Variants in KLHL1 observed in about 807,000 individuals in gnomAD.
KLHL1 encodes kelch-like protein 1.
Under a neutral mutation model 77.7 loss-of-function variants are expected in KLHL1, and 47 were observed. That is an observed-to-expected ratio of 0.60 (90% CI 0.48 to 0.77). KLHL1 has a LOEUF of 0.77. KLHL1 is among the 30% of genes least tolerant of loss of function. The pLI is 0.00. For missense variants in KLHL1, 925 were observed against 910.8 expected, an observed-to-expected ratio of 1.02 and a Z score of -0.20; for synonymous variants, 360 against 325.2, an observed-to-expected ratio of 1.11 and a Z score of -1.15.
At chr13:70,017,080 G>A (rs979799678) in intron 1 of KLHL1, among the ~76,000 whole-genome samples, 1 of 152,184 alleles carries the variant, frequency 6.6e-6, no homozygotes, top group Non-Finnish European at 1.5e-5. Flanking sequence ...GCTCAATGAA[G>A]CTCTTCTCCA....
At chr13:70,048,581 A>G (rs1886554292) in intron 1 of KLHL1, among the ~76,000 whole-genome samples, 1 of 152,192 alleles carries the variant, frequency 6.6e-6, no homozygotes, top group Non-Finnish European at 1.5e-5. Context: ...ATGGCAGGCT[A>G]GGGTAGAGAA....
At chr13:69,939,376 T>C (rs112039148) in intron 4 of KLHL1, among the ~76,000 whole-genome samples, 7,705 of 48,436 alleles carry the variant, frequency 0.16, 673 homozygotes, top group Middle Eastern at 0.25. Flanking sequence ...TATATATATA[T>C]ATACACACAC....
chr13:69,857,038 C>A (rs1358223240), intron 5 of KLHL1, among the ~76,000 whole-genome samples: 1 of 152,004 alleles, frequency 6.6e-6, no homozygotes. Flanking sequence ...CTCCAATGAA[C>A]AATAGTAAAT....
At chr13:70,047,913 C>G (rs1886541863) in intron 1 of KLHL1, among the ~76,000 whole-genome samples, 1 of 152,146 alleles carries the variant, frequency 6.6e-6, no homozygotes, top group South Asian at 2.1e-4. Context: ...GTTTTAAAAT[C>G]TTGGATATGA....
chr13:69,765,962 C>T (rs1875282130), intron 7 of KLHL1, among the ~76,000 whole-genome samples: 1 of 152,170 alleles, frequency 6.6e-6, no homozygotes, highest in Non-Finnish European at 1.5e-5. Flanking sequence ...CCTCAGTTGA[C>T]TAACAGATTC....
intron 6 of KLHL1, among the ~76,000 whole-genome samples, chr13:69,807,194 A>C: frequency 6.6e-6 from 1 of 152,236 alleles, no homozygotes; most frequent in South Asian, 2.1e-4. Context: ...TGTGAGATCC[A>C]GTTGTAATTG....
At chr13:69,871,103 C>T (rs1880566527) in intron 5 of KLHL1, among the ~76,000 whole-genome samples, 1 of 152,140 alleles carries the variant, frequency 6.6e-6, no homozygotes, top group South Asian at 2.1e-4. Context: ...GTGGAAGCTG[C>T]CAAGCTTCCA....
At chr13:70,023,901 AAGTT>A (rs1885866175) in intron 1 of KLHL1, among the ~76,000 whole-genome samples, 1 of 151,946 alleles carries the variant, frequency 6.6e-6, no homozygotes, top group Non-Finnish European at 1.5e-5. Flanking sequence ...TAGTTATAGT[AAGTT>A]TAGTAACTTA....
At chr13:69,896,826 C>T (rs1460167893) in intron 4 of KLHL1, among the ~76,000 whole-genome samples, 1 of 151,852 alleles carries the variant, frequency 6.6e-6, no homozygotes, top group Non-Finnish European at 1.5e-5. Context: ...ACACCACCAC[C>T]TCACCTGGCT....
intron 8 of KLHL1, among the ~76,000 whole-genome samples, chr13:69,733,225 A>G (rs1297919248): frequency 1.3e-5 from 2 of 149,412 alleles, no homozygotes; most frequent in Non-Finnish European, 2.9e-5. Flanking sequence ...AACACATATG[A>G]AAGATAAAAA....
chr13:70,095,971 TCACCTAACATAAGGCCATCCAGTTC>T (rs1240041765), intron 1 of KLHL1, among the ~76,000 whole-genome samples: 1 of 152,102 alleles, frequency 6.6e-6, no homozygotes, highest in Non-Finnish European at 1.5e-5. Context: ...CTGGCTTATT[TCACCTAACATAAGGCCATCCAGTTC>T]CACCCATGTT....
At chr13:69,906,637 T>A (rs1029305200) in intron 4 of KLHL1, among the ~76,000 whole-genome samples, 3 of 151,988 alleles carry the variant, frequency 2.0e-5, no homozygotes, top group Non-Finnish European at 2.9e-5. Context: ...GAATAACAAT[T>A]TCTTTTAAAT....
At chr13:70,074,998 C>T (rs1018540292) in intron 1 of KLHL1, among the ~76,000 whole-genome samples, 4 of 151,894 alleles carry the variant, frequency 2.6e-5, no homozygotes, top group African/African-American at 9.7e-5. Context: ...CAGGGGAAAG[C>T]TTACCCTCTA....
intron 5 of KLHL1, among the ~76,000 whole-genome samples, chr13:69,852,733 T>G (rs181897386): frequency 6.6e-6 from 1 of 152,134 alleles, no homozygotes; most frequent in East Asian, 1.9e-4. Flanking sequence ...AGATGCATCA[T>G]GCAAGTCAAT....
At chr13:69,958,276 T>G (rs1263394110) in intron 3 of KLHL1, among the ~76,000 whole-genome samples, 1 of 151,516 alleles carries the variant, frequency 6.6e-6, no homozygotes, top group Non-Finnish European at 1.5e-5. Context: ...AGTCTACATG[T>G]TTGCTTTAGT....
chr13:69,822,047 A>C (rs568632427), intron 6 of KLHL1, among the ~76,000 whole-genome samples: 3 of 152,200 alleles, frequency 2.0e-5, no homozygotes, highest in African/African-American at 7.2e-5. Context: ...AAAATTAAAA[A>C]TATTAGCTGG....
chr13:69,761,593 C>T (rs1008743364), intron 7 of KLHL1, among the ~76,000 whole-genome samples: 1 of 152,192 alleles, frequency 6.6e-6, no homozygotes, highest in Non-Finnish European at 1.5e-5. Flanking sequence ...GCCAGATTTT[C>T]ATGCTACATC....
chr13:70,050,292 T>C (rs1593703436), intron 1 of KLHL1, among the ~76,000 whole-genome samples: 1 of 151,914 alleles, frequency 6.6e-6, no homozygotes, highest in East Asian at 1.9e-4. Flanking sequence ...TTAAGAAATC[T>C]ACCCATAAAA....
At chr13:69,837,614 C>CTCTCTCTA (rs570243891) in intron 6 of KLHL1, among the ~76,000 whole-genome samples, 170 of 136,452 alleles carry the variant, frequency 1.2e-3, no homozygotes, top group African/African-American at 3.8e-3. Context: ...ATCTCTCTCT[C>CTCTCTCTA]TATATATATG....
Sources: allele counts gnomAD v4.1 joint callset (sites outside exome capture counted in the v4.1 genomes callset), GRCh38; gene constraint gnomAD v4.1.1; transcripts MANE v1.5; gene names NCBI Gene and HGNC (gene_info 2026-07-23, HGNC 2026-07-21).